RAPH1: variants seen among roughly 807,000 people sequenced by gnomAD.
The protein encoded by RAPH1 is ras-associated and pleckstrin homology domains-containing protein 1.
A neutral mutation model predicts 88.1 loss-of-function variants in RAPH1; 18 were observed. The observed-to-expected ratio is 0.20, with a 90% CI of 0.14 to 0.30. The LOEUF (loss-of-function observed/expected upper bound fraction) is 0.30. Ranked by LOEUF, RAPH1 falls within the 10% of genes least tolerant of loss-of-function variation. The pLI is 1.00. For synonymous variants in RAPH1, 587 were observed against 559.0 expected (o/e 1.05, Z -0.71); for missense variants, 1,448 against 1,543.2 (o/e 0.94, Z 1.03).
At chr2:203,488,742 G>A (rs1179421636) in intron 4 of RAPH1, among the ~76,000 whole-genome samples, 2 of 152,038 alleles carry the variant, frequency 1.3e-5, no homozygotes, top group East Asian at 3.9e-4. Context: ...AGGTCCCATG[G>A]GTAGTGAGTG....
intron 1 of RAPH1, among the ~76,000 whole-genome samples, chr2:203,498,946 TAG>T (rs1688626022): frequency 6.7e-6 from 1 of 150,182 alleles, no homozygotes; most frequent in South Asian, 2.1e-4. Context: ...CAATTGTCTA[TAG>T]TGTTCAGTAC....
intron 4 of RAPH1, among the ~76,000 whole-genome samples, chr2:203,484,686 A>T (rs1687884607): frequency 6.6e-6 from 1 of 152,254 alleles, no homozygotes; most frequent in Admixed American, 6.5e-5. Flanking sequence ...AGAAGTCCTC[A>T]GAAGCAAGAG....
intron 4 of RAPH1, among the ~76,000 whole-genome samples, chr2:203,463,029 G>A (rs375102005): frequency 1.2e-4 from 18 of 150,714 alleles, no homozygotes; most frequent in East Asian, 1.9e-4. Flanking sequence ...GTGAAACCCC[G>A]TCTCTAACTA....
In RAPH1 at chr2:203,438,387, A is replaced by T. The variant is rs920961707; in HGVS notation, c.*1050T>A. 5.7e-6 allele frequency: 2 copies of T among 349,664 alleles called. No individual in the cohort carries two copies. Among genetic ancestry groups the T allele is most frequent in the Non-Finnish European group, 1.1e-5 (2 of 176,918 alleles). The allele number at this position is 349,664 out of a possible 1,614,324, so 21.7% of individuals were successfully genotyped here. ...ATTTTAGAAAATGATTTTGTTTTTC[A>T]TAATGCACCATATTGGGGCACAGGA... On this transcript the variant is annotated 3_prime_UTR_variant, in exon 14 of 14. Transcript: ENST00000319170.
intron 1 of RAPH1, among the ~76,000 whole-genome samples, chr2:203,506,207 A>C (rs2105899480): frequency 6.6e-6 from 1 of 152,340 alleles, no homozygotes; most frequent in Non-Finnish European, 1.5e-5. Flanking sequence ...TTGAATTATC[A>C]GTATAAATAA....
At chr2:203,489,459 T>A (rs1688142510) in intron 4 of RAPH1, 125 bp downstream of exon 4, 1 of 676,182 alleles carries the variant, frequency 1.5e-6, no homozygotes, top group South Asian at 4.4e-5. Flanking sequence ...TTGAAACCTA[T>A]CTCAGAAGTA....
intron 10 of RAPH1, among the ~76,000 whole-genome samples, chr2:203,450,035 AAAAC>A (rs1330552011): frequency 3.9e-5 from 6 of 152,038 alleles, no homozygotes; most frequent in African/African-American, 9.6e-5. Context: ...AAAAAAAAAA[AAAAC>A]AAAGAAAGAA....
intron 4 of RAPH1, among the ~76,000 whole-genome samples, chr2:203,474,706 T>A (rs1052592022): frequency 6.6e-6 from 1 of 152,184 alleles, no homozygotes; most frequent in African/African-American, 2.4e-5. Context: ...TGGAATTCCT[T>A]TGAACAGAAT....
chr2:203,514,595 C>T (rs1187301258), intron 1 of RAPH1, among the ~76,000 whole-genome samples: 1 of 151,958 alleles, frequency 6.6e-6, no homozygotes, highest in East Asian at 1.9e-4. Context: ...CGCTGTGTCG[C>T]CCAGGCTGGA....
chr2:203,461,435 T>A (rs1452446211), intron 5 of RAPH1, 27 bp from the exon 6 acceptor site: 1 of 1,532,700 alleles, frequency 6.5e-7, no homozygotes, highest in Non-Finnish European at 8.8e-7. Context: ...GAAAAGTAAA[T>A]GAACACTAAA....
intron 4 of RAPH1, among the ~76,000 whole-genome samples, chr2:203,468,774 A>G (rs938653867): frequency 6.6e-6 from 1 of 152,154 alleles, no homozygotes; most frequent in Admixed American, 6.6e-5. Context: ...TATAAAATGG[A>G]TTGGAAGGGG....
At chr2:203,519,763 A>G (rs1286699871) in intron 1 of RAPH1, among the ~76,000 whole-genome samples, 2 of 152,192 alleles carry the variant, frequency 1.3e-5, no homozygotes, top group Non-Finnish European at 2.9e-5. Flanking sequence ...ACTAACAGGA[A>G]AAAAAAGCAG....
At chr2:203,518,781 G>A (rs1368369229) in intron 1 of RAPH1, among the ~76,000 whole-genome samples, 1 of 152,040 alleles carries the variant, frequency 6.6e-6, no homozygotes, top group Admixed American at 6.6e-5. Context: ...CCAGTTCAAG[G>A]TTACAGTGAG....
chr2:203,526,706 C>CAAAAAAA (rs34932665), intron 1 of RAPH1, among the ~76,000 whole-genome samples: 1 of 80,638 alleles, frequency 1.2e-5, no homozygotes, highest in African/African-American at 5.0e-5. Flanking sequence ...AACTCTGTCT[C>CAAAAAAA]AAAAAAAAAA....
chr2:203,509,985 T>A (rs1031766385), intron 1 of RAPH1, among the ~76,000 whole-genome samples: 1 of 152,088 alleles, frequency 6.6e-6, no homozygotes, highest in Non-Finnish European at 1.5e-5. Context: ...GCATCATGCT[T>A]CCTGTATAGC....
At chr2:203,473,192 A>T (rs760992745) in intron 4 of RAPH1, among the ~76,000 whole-genome samples, 3 of 152,228 alleles carry the variant, frequency 2.0e-5, no homozygotes, top group Non-Finnish European at 4.4e-5. Context: ...AGGCTCAGAT[A>T]GGAGGACCAC....
chr2:203,526,783 T>A (rs1690140163), intron 1 of RAPH1, among the ~76,000 whole-genome samples: 1 of 148,080 alleles, frequency 6.8e-6, no homozygotes, highest in South Asian at 2.1e-4. Flanking sequence ...TAACAATTTT[T>A]CTTTTTCTTT....
Position 203,461,476 on chromosome 2 carries a change from A to G in RAPH1, c.811-68T>C, listed in dbSNP as rs1179819670. On this transcript the variant is annotated intron_variant, in intron 5 of 13. Coordinates refer to ENST00000319170, the MANE Select transcript of RAPH1 (RefSeq NM_213589.3). Reference sequence around the variant, plus strand: ...GCATTCTAGGAAAGGCACTGATCCAATATCAAATAAAATTTGGATTAATGT... The same window carrying G: ...GCATTCTAGGAAAGGCACTGATCCAGTATCAAATAAAATTTGGATTAATGT... 3.4e-6 allele frequency: 4 copies of G among 1,168,636 alleles called. 1 individual carries two copies. The highest frequency in any genetic ancestry group is 2.8e-5 in the East Asian group (1 of 35,854). 72.4% of individuals were successfully genotyped at this position (1,168,636 alleles called of 1,614,324 possible). A position where few individuals can be genotyped will look rare whatever the true frequency, so the allele number is the denominator to read the frequency against.
chr2:203,468,790 G>T (rs1366143182), intron 4 of RAPH1, among the ~76,000 whole-genome samples: 1 of 152,178 alleles, frequency 6.6e-6, no homozygotes, highest in Non-Finnish European at 1.5e-5. Flanking sequence ...AGGGGGACGG[G>T]CAATAATAAA....
Sources: gnomAD v4.1 joint callset for allele counts (sites outside exome capture counted in the v4.1 genomes callset) on GRCh38, gnomAD v4.1.1 for gene constraint, MANE v1.5 for transcripts, NCBI Gene and HGNC (gene_info 2026-07-23, HGNC 2026-07-21) for gene names.